RNASEH1: variants seen among roughly 807,000 people sequenced by gnomAD.
RNASEH1 encodes ribonuclease H1.
Under a neutral mutation model 34.6 loss-of-function variants are expected in RNASEH1, and 27 were observed. That is an observed-to-expected ratio of 0.78 (90% confidence interval 0.58 to 1.08). The LOEUF is 1.08. Among genes scored for constraint, RNASEH1 ranks in the 50% least tolerant of loss-of-function variants. The probability of loss-of-function intolerance (pLI) is 0.00; values close to 1 mark genes in which losing one functional copy is unlikely to be tolerated. For missense variants in RNASEH1, 349 were observed against 373.6 expected (o/e 0.93, Z 0.54); for synonymous variants, 162 against 138.4 (o/e 1.17, Z -1.20).
chr2:3,548,080 G>A, intron 6 of RNASEH1, 25 bp from the exon 7 acceptor site: 11 of 1,613,574 alleles, frequency 6.8e-6, no homozygotes, highest in Non-Finnish European at 9.3e-6. Flanking sequence ...GATCACTGGT[G>A]AGTCAATCTT....
At chr2:3,554,226 C>T (rs540666616) in intron 2 of RNASEH1, among the ~76,000 whole-genome samples, 2 of 152,346 alleles carry the variant, frequency 1.3e-5, no homozygotes, top group East Asian at 1.9e-4. Context: ...ATCTCCAAAA[C>T]GTTCCTCTAG....
rs1660684340 is a variant in RNASEH1, at chr2:3,557,934, T to C, written c.128+199A>G. 6 of 1,530,028 alleles carry C rather than the reference T, an allele frequency of 3.9e-6. No homozygotes were observed. The East Asian group carries it at 1.5e-4, about 38-fold the overall frequency. 94.8% of individuals were successfully genotyped at this position (1,530,028 alleles called of 1,614,324 possible). ...TCTGATATTTCAAACAAGTCTTCGG[T>C]GCGTTCCAGTCCCAGGCCATGAGCC... On this transcript the variant is annotated intron_variant, in intron 1 of 7. Coordinates refer to ENST00000315212, the MANE Select transcript of RNASEH1 (RefSeq NM_002936.6).
intron 7 of RNASEH1, 150 bp from the exon 8 acceptor site, chr2:3,546,021 C>T (rs1668716398): frequency 1.6e-6 from 1 of 637,054 alleles, no homozygotes; most frequent in Non-Finnish European, 2.8e-6. Flanking sequence ...TCCTCAACAG[C>T]ACGCTGTCCA....
At chr2:3,539,700 C>T (rs569934995), downstream of RNASEH1, among the ~76,000 whole-genome samples, 1 of 152,160 alleles carries the variant, frequency 6.6e-6, no homozygotes, top group East Asian at 1.9e-4. Context: ...CAGCTCATCA[C>T]GTTATTAAAA....
chr2:3,532,608 A>T, the RNASEH1 span, among the ~76,000 whole-genome samples: 1 of 152,172 alleles, frequency 6.6e-6, no homozygotes, highest in African/African-American at 2.4e-5. Context: ...TGAATCCTGC[A>T]GGCAACTGTC....
the RNASEH1 span, among the ~76,000 whole-genome samples, chr2:3,535,810 C>G: frequency 6.6e-6 from 1 of 152,108 alleles, no homozygotes; most frequent in African/African-American, 2.4e-5. Context: ...GGAGAAGGTG[C>G]GAACCCACCA....
the RNASEH1 span, chr2:3,533,997 T>G: frequency 1.3e-5 from 2 of 152,246 alleles, no homozygotes; most frequent in South Asian, 2.1e-4. Flanking sequence ...GAATGGTGAT[T>G]TTTTTCTAGG....
chr2:3,557,504 G>C (rs1215087156), intron 1 of RNASEH1, among the ~76,000 whole-genome samples: 1 of 152,192 alleles, frequency 6.6e-6, no homozygotes, highest in Non-Finnish European at 1.5e-5. Flanking sequence ...CAATACTGTA[G>C]CTGCCGTGCA....
chr2:3,547,895 T>C (rs1558449996), intron 7 of RNASEH1, 36 bp downstream of exon 7: 2 of 1,606,212 alleles, frequency 1.2e-6, no homozygotes, highest in Non-Finnish European at 1.7e-6. Flanking sequence ...TATTTGGTCA[T>C]AATGGCCATA....
chr2:3,550,738 A>T (rs1659785952), intron 3 of RNASEH1, among the ~76,000 whole-genome samples: 1 of 152,208 alleles, frequency 6.6e-6, no homozygotes, highest in Admixed American at 6.5e-5. Flanking sequence ...CTGCTGCAGT[A>T]AAAACTACTG....
At chr2:3,537,929 C>T (rs1020915532), downstream of RNASEH1, among the ~76,000 whole-genome samples, 2 of 151,954 alleles carry the variant, frequency 1.3e-5, no homozygotes, top group Non-Finnish European at 2.9e-5. Context: ...CCCAGCTACT[C>T]GGGAGGCTGA....
In RNASEH1 at chr2:3,542,664, TTAAATGC is replaced by T. The variant is rs1404119395; in HGVS notation, c.*3114_*3120del. On this transcript the variant is annotated 3_prime_UTR_variant, in exon 8 of 8. Transcript: ENST00000315212. ...TAATGCTATGGTATTAGTATTTTTTTTAAATGCTAAATGCTAAAGAGGAATAAAACAA... is the reference window on the plus strand; with the variant it reads ...TAATGCTATGGTATTAGTATTTTTTTTAAATGCTAAAGAGGAATAAAACAA... Among the ~76,000 whole-genome samples the T allele has an allele frequency of 3.9e-5, 6 of 152,190 alleles. No homozygotes were observed. Among genetic ancestry groups the T allele is most frequent in the African/African-American group, 9.7e-5 (4 of 41,444 alleles).
At chr2:3,552,035 A>G in intron 3 of RNASEH1, 109 bp downstream of exon 3, 1 of 789,716 alleles carries the variant, frequency 1.3e-6, no homozygotes. Flanking sequence ...CATAAGAATG[A>G]AGATGATAAA....
intron 1 of RNASEH1, among the ~76,000 whole-genome samples, chr2:3,557,377 C>T (rs779259855): frequency 2.6e-5 from 4 of 152,202 alleles, no homozygotes; most frequent in East Asian, 1.9e-4. Flanking sequence ...CCAGCCAGCA[C>T]ACCAGCACCA....
At chr2:3,548,880 TATTTGAAATAAGTTTTTAGA>T (rs754665797) in intron 5 of RNASEH1, among the ~76,000 whole-genome samples, 156 bp from the exon 6 acceptor site, 20 of 152,368 alleles carry the variant, frequency 1.3e-4, no homozygotes, top group Admixed American at 4.6e-4. Flanking sequence ...TGTAGACATC[TATTTGAAATAAGTTTTTAGA>T]ATTTTTCTAC....
chr2:3,543,895 T>A lies in RNASEH1; in HGVS notation c.*1890A>T, dbSNP rs944937045. ...TCCCAAAGTGCTGGGATTACAGGCA[T>A]AAGACACCATGCCCAGCCCATGAAT... On this transcript the variant is annotated 3_prime_UTR_variant, in exon 8 of 8. Coordinates refer to ENST00000315212, the MANE Select transcript of RNASEH1 (RefSeq NM_002936.6). Among the ~76,000 whole-genome samples the A allele has an allele frequency of 1.4e-4, 22 of 152,172 alleles. No individual in the cohort carries two copies. The highest frequency in any genetic ancestry group is 5.3e-4 in the African/African-American group (22 of 41,442).
chr2:3,558,238 G>T lies in RNASEH1; in HGVS notation c.23C>A (p.Ala8Asp). 1 of 1,595,924 alleles carries T rather than the reference G, an allele frequency of 6.3e-7. No homozygotes were observed. The highest frequency in any genetic ancestry group is 1.1e-5 in the South Asian group (1 of 88,604). ...CAAGGCGGCCAAGGCGACTCTGTGGGCCAGGAACAGAAGCCAGCTCATCGC... is the reference window on the plus strand; with the variant it reads ...CAAGGCGGCCAAGGCGACTCTGTGGTCCAGGAACAGAAGCCAGCTCATCGC... MSWLLFLAHRVALAALPC... is the reference protein window; with the variant it reads MSWLLFLDHRVALAALPC... Residue 8 changes from alanine (A) to aspartate (D), a missense_variant, in exon 1 of 8, where the codon GCC becomes GAC. By Grantham distance (126) the Ala-to-Asp change is moderately radical. Transcript: ENST00000315212.
At chr2:3,538,395 A>G (rs1399025069), downstream of RNASEH1, among the ~76,000 whole-genome samples, 1 of 151,884 alleles carries the variant, frequency 6.6e-6, no homozygotes, top group Non-Finnish European at 1.5e-5. Context: ...ATAAAAAGAT[A>G]GCATACAAAG....
intron 1 of RNASEH1, 57 bp downstream of exon 1, chr2:3,558,076 C>G: frequency 1.3e-6 from 2 of 1,523,906 alleles, no homozygotes; most frequent in East Asian, 2.4e-5. Flanking sequence ...AGCCGGGCTC[C>G]GGCCTCCCTC....
Sources: allele counts gnomAD v4.1 joint callset (sites outside exome capture counted in the v4.1 genomes callset), GRCh38; gene constraint gnomAD v4.1.1; transcripts MANE v1.5; gene names NCBI Gene and HGNC (gene_info 2026-07-23, HGNC 2026-07-21).